HERC3: variants seen among roughly 807,000 people sequenced by gnomAD.
HERC3 encodes probable E3 ubiquitin-protein ligase HERC3.
A neutral mutation model predicts 129.9 loss-of-function variants in HERC3; 58 were observed. The ratio of observed to expected loss-of-function variants is 0.45; its 90% CI spans 0.36 to 0.56. The LOEUF is 0.56. Among genes scored for constraint, HERC3 ranks in the 20% least tolerant of loss-of-function variants. HERC3 has a pLI of 0.00. For missense variants in HERC3, 835 were observed against 1,244.2 expected, an observed-to-expected ratio of 0.67 and a Z score of 4.95; for synonymous variants, 430 against 451.0, an observed-to-expected ratio of 0.95 and a Z score of 0.59.
intron 3 of HERC3, among the ~76,000 whole-genome samples, chr4:88,620,417 A>G (rs928194255): frequency 6.6e-6 from 1 of 152,078 alleles, no homozygotes; most frequent in African/African-American, 2.4e-5. Flanking sequence ...TGGCCTTTCC[A>G]TTCTTCAGGC....
chr4:88,585,673 G>T, the HERC3 span, among the ~76,000 whole-genome samples: 1 of 151,852 alleles, frequency 6.6e-6, no homozygotes, highest in Non-Finnish European at 1.5e-5. Flanking sequence ...ATGTGGGAGG[G>T]GTGGGGGAAA....
intron 2 of HERC3, among the ~76,000 whole-genome samples, 166 bp downstream of exon 2, chr4:88,595,780 A>C (rs1282559983): frequency 6.6e-6 from 1 of 151,820 alleles, no homozygotes; most frequent in Non-Finnish European, 1.5e-5. Flanking sequence ...TAGTGAAGAG[A>C]ACAAGGTGAG....
chr4:88,655,305 G>A lies in HERC3; in HGVS notation c.908+1G>A. ...AAGTAACTCAAATTGCTTGTGGCAG[G>A]TGAGTGTTCCTCAAAGCTTGCTTGT... is the stretch of plus-strand genomic sequence containing the variant. On this transcript the variant is annotated splice_donor_variant, in intron 8 of 25. Coordinates refer to ENST00000402738, the MANE Select transcript of HERC3 (RefSeq NM_014606.3). LOFTEE classifies it high-confidence loss of function. The A allele has an allele frequency of 6.2e-7, 1 of 1,613,338 alleles. No individual in the cohort carries two copies. Among genetic ancestry groups the A allele is most frequent in the East Asian group, 2.2e-5 (1 of 44,840 alleles).
intron 11 of HERC3, among the ~76,000 whole-genome samples, chr4:88,663,787 G>C (rs143191544): frequency 1.3e-5 from 2 of 152,134 alleles, no homozygotes; most frequent in Non-Finnish European, 2.9e-5. Context: ...TTCTGTGTTC[G>C]GGAAGTAACA....
Position 88,706,172 on chromosome 4 carries a change from A to T in HERC3, c.2945-580A>T, listed in dbSNP as rs186860532. Among the ~76,000 whole-genome samples, 135 of 152,256 alleles carry T rather than the reference A, an allele frequency of 8.9e-4. 2 individuals carry two copies. The highest frequency in any genetic ancestry group is 6.8e-3 in the Middle Eastern group (2 of 294). ...ATTTGAAAGTGCTTCTTAACTAATGATTTTCTTATAGTAATTTCCAGCAAT... is the reference window on the plus strand; with the variant it reads ...ATTTGAAAGTGCTTCTTAACTAATGTTTTTCTTATAGTAATTTCCAGCAAT... On this transcript the variant is annotated intron_variant, in intron 25 of 25. Coordinates refer to ENST00000402738, the MANE Select transcript of HERC3 (RefSeq NM_014606.3).
At chr4:88,693,198 TC>T (rs551095775) in intron 23 of HERC3, 56 of 982,176 alleles carry the variant, frequency 5.7e-5, no homozygotes, top group Admixed American at 5.5e-4. Context: ...TTTTTTCTCT[TC>T]CCCCCCACCA....
chr4:88,552,443 G>C, the HERC3 span, among the ~76,000 whole-genome samples: 1 of 152,082 alleles, frequency 6.6e-6, no homozygotes, highest in Non-Finnish European at 1.5e-5. Context: ...AGTAGAGACA[G>C]GGTTTCACTA....
At chr4:88,672,085 TA>T (rs1731672025) in intron 16 of HERC3, among the ~76,000 whole-genome samples, 1 of 152,236 alleles carries the variant, frequency 6.6e-6, no homozygotes, top group South Asian at 2.1e-4. Flanking sequence ...ATTTTTCCAC[TA>T]ATTTCATTAG....
chr4:88,581,307 AT>A, the HERC3 span, among the ~76,000 whole-genome samples: 26 of 143,952 alleles, frequency 1.8e-4, no homozygotes, highest in Admixed American at 4.2e-4. Context: ...TATTATTATT[AT>A]TTTTTTTTTG....
upstream of HERC3, among the ~76,000 whole-genome samples, chr4:88,590,887 C>CT (rs11333423): frequency 0.048 from 6,675 of 137,686 alleles, 210 homozygotes; most frequent in Admixed American, 0.063. Context: ...CTTTTTCTTT[C>CT]TTTTTTTTTT....
At chr4:88,669,766 C>A in intron 14 of HERC3, 94 bp from the exon 15 acceptor site, 1 of 1,090,178 alleles carries the variant, frequency 9.2e-7, no homozygotes, top group South Asian at 1.5e-5. Flanking sequence ...TAATGTTTAT[C>A]TTCTAGACAA....
the HERC3 span, chr4:88,527,588 C>G: frequency 1.2e-4 from 26 of 211,230 alleles, no homozygotes. Flanking sequence ...TCTGTGGCTG[C>G]TGCAGTTATG....
chr4:88,681,341 G>A lies in HERC3; in HGVS notation c.2507+16G>A. ...CTGAAGGAAGGTACAAAGCTAAAAGGCGATTGGTATCTGAAACTGTTGTGG... is the reference window on the plus strand; with the variant it reads ...CTGAAGGAAGGTACAAAGCTAAAAGACGATTGGTATCTGAAACTGTTGTGG... On this transcript the variant is annotated intron_variant, in intron 21 of 25. Transcript: ENST00000402738. The A allele has an allele frequency of 6.2e-7, 1 of 1,601,950 alleles. No individual in the cohort carries two copies. The highest frequency in any genetic ancestry group is 8.5e-7 in the Non-Finnish European group (1 of 1,174,726).
chr4:88,697,163 CTT>C, intron 23 of HERC3: 1 of 1,457,050 alleles, frequency 6.9e-7, no homozygotes, highest in Non-Finnish European at 9.1e-7. Context: ...CAAAACCAGG[CTT>C]TTTTCTTCGT....
intron 3 of HERC3, among the ~76,000 whole-genome samples, chr4:88,629,252 A>G (rs1726474535): frequency 6.6e-6 from 1 of 152,266 alleles, no homozygotes; most frequent in Non-Finnish European, 1.5e-5. Context: ...GTAAACTAAA[A>G]TAAGCAAATA....
rs561251824 is a variant in HERC3 at position 88,603,894 on chromosome 4, A to G, written c.-29-1901A>G. 6.6e-5 allele frequency among the ~76,000 whole-genome samples: 10 copies of G among 152,364 alleles called. No homozygotes were observed. The South Asian group carries it at 2.1e-3, about 32-fold the overall frequency. ...TATGTTGGTAATAACAATTCTCACA[A>G]TTAAACTCAAGAAAGCCTTGTTGGC... On this transcript the variant is annotated intron_variant, in intron 2 of 25. Transcript: ENST00000402738.
chr4:88,583,311 C>T, the HERC3 span, among the ~76,000 whole-genome samples: 3 of 151,908 alleles, frequency 2.0e-5, no homozygotes, highest in Non-Finnish European at 2.9e-5. Context: ...TGGTGGGTGC[C>T]TGTAATTCCA....
intron 3 of HERC3, among the ~76,000 whole-genome samples, chr4:88,643,170 C>G (rs1202589098): frequency 6.6e-6 from 1 of 152,046 alleles, no homozygotes; most frequent in Non-Finnish European, 1.5e-5. Flanking sequence ...TTAGGTATAA[C>G]TTTAACAAAA....
At chr4:88,642,679 C>T (rs957142668) in intron 3 of HERC3, among the ~76,000 whole-genome samples, 2 of 152,212 alleles carry the variant, frequency 1.3e-5, no homozygotes, top group African/African-American at 2.4e-5. Context: ...CCTCTATGGT[C>T]TCTTTTATAA....
Sources: allele counts gnomAD v4.1 joint callset (sites outside exome capture counted in the v4.1 genomes callset), GRCh38; gene constraint gnomAD v4.1.1; transcripts MANE v1.5; gene names NCBI Gene and HGNC (gene_info 2026-07-23, HGNC 2026-07-21).